Variants in CDH13 observed in about 807,000 individuals in gnomAD.
The protein encoded by CDH13 is cadherin-13.
CDH13 carries 24 observed loss-of-function variants against 63.8 expected under a neutral mutation model. That is an observed-to-expected ratio of 0.38 (90% CI 0.27 to 0.53). The LOEUF is 0.53. CDH13 is among the 20% of genes least tolerant of loss of function. The probability of loss-of-function intolerance (pLI) is 0.85; values close to 1 mark genes in which losing one functional copy is unlikely to be tolerated. For missense variants in CDH13, 1,049 were observed against 903.1 expected, an observed-to-expected ratio of 1.16 and a Z score of -2.07; for synonymous variants, 503 against 355.3, an observed-to-expected ratio of 1.42 and a Z score of -4.67.
At chr16:83,089,827 A>T (rs12926360) in intron 3 of CDH13, among the ~76,000 whole-genome samples, 1 of 152,030 alleles carries the variant, frequency 6.6e-6, no homozygotes, top group East Asian at 1.9e-4. Flanking sequence ...TTTCACGTGC[A>T]TACAGATTAC....
At chr16:83,394,551 C>T (rs1012607990) in intron 6 of CDH13, among the ~76,000 whole-genome samples, 1 of 152,160 alleles carries the variant, frequency 6.6e-6, no homozygotes, top group South Asian at 2.1e-4. Context: ...TCACATCCAA[C>T]TGTGCAGGCG....
intron 2 of CDH13, among the ~76,000 whole-genome samples, chr16:82,914,977 G>A (rs576108930): frequency 6.6e-6 from 1 of 152,196 alleles, no homozygotes; most frequent in Non-Finnish European, 1.5e-5. Flanking sequence ...ACACTTAACA[G>A]GGACAGTGAA....
intron 10 of CDH13, among the ~76,000 whole-genome samples, chr16:83,707,612 C>T (rs1907280431): frequency 6.6e-6 from 1 of 152,046 alleles, no homozygotes; most frequent in Non-Finnish European, 1.5e-5. Flanking sequence ...TACTACTCTT[C>T]CCTATTCTGG....
intron 9 of CDH13, among the ~76,000 whole-genome samples, chr16:83,674,047 C>CAG (rs1384006287): frequency 6.6e-6 from 1 of 152,218 alleles, no homozygotes; most frequent in Non-Finnish European, 1.5e-5. Flanking sequence ...ACATGTGAGG[C>CAG]AGAGCCCCAG....
intron 7 of CDH13, among the ~76,000 whole-genome samples, chr16:83,526,561 G>A (rs2074965238): frequency 6.6e-6 from 1 of 152,210 alleles, no homozygotes; most frequent in African/African-American, 2.4e-5. Flanking sequence ...AGCTCAGATG[G>A]TAATGCTCGC....
chr16:83,483,343 C>T (rs2073815772), intron 6 of CDH13, among the ~76,000 whole-genome samples: 1 of 152,112 alleles, frequency 6.6e-6, no homozygotes, highest in Non-Finnish European at 1.5e-5. Flanking sequence ...AAACCATTTT[C>T]TGTGTATGCT....
chr16:82,843,410 C>A (rs149082655), intron 1 of CDH13, among the ~76,000 whole-genome samples: 34 of 152,178 alleles, frequency 2.2e-4, no homozygotes, highest in African/African-American at 7.9e-4. Context: ...AACTGTCTAC[C>A]AGGCAGTTAG....
intron 1 of CDH13, among the ~76,000 whole-genome samples, chr16:82,793,171 A>T (rs532401136): frequency 6.6e-6 from 1 of 152,234 alleles, no homozygotes; most frequent in South Asian, 2.1e-4. Context: ...GCATCAGTGC[A>T]TCACCCAGTG....
chr16:83,311,845 C>T (rs1041266147), intron 5 of CDH13, among the ~76,000 whole-genome samples: 2 of 152,038 alleles, frequency 1.3e-5, no homozygotes, highest in African/African-American at 2.4e-5. Flanking sequence ...GAGGCCAAGG[C>T]GGGTGGATCA....
intron 5 of CDH13, among the ~76,000 whole-genome samples, chr16:83,258,901 A>G (rs1030294024): frequency 6.6e-5 from 10 of 152,240 alleles, no homozygotes. Context: ...TTCATTCCAC[A>G]TCACTGCCTC....
intron 1 of CDH13, among the ~76,000 whole-genome samples, chr16:82,848,344 G>T (rs2039348998): frequency 6.6e-6 from 1 of 152,162 alleles, no homozygotes; most frequent in Admixed American, 6.5e-5. Context: ...TCTTGACTTT[G>T]CTTTAGTTGG....
At chr16:83,279,669 C>T (rs2089102214) in intron 5 of CDH13, among the ~76,000 whole-genome samples, 1 of 152,180 alleles carries the variant, frequency 6.6e-6, no homozygotes, top group South Asian at 2.1e-4. Flanking sequence ...ACATCATTAG[C>T]TTCCTCTCTC....
At chr16:82,781,311 C>T (rs1477576090) in intron 1 of CDH13, among the ~76,000 whole-genome samples, 1 of 152,136 alleles carries the variant, frequency 6.6e-6, no homozygotes, top group Non-Finnish European at 1.5e-5. Flanking sequence ...AAATGCAGAC[C>T]ACAAGGGTCC....
chr16:83,294,679 G>A lies in CDH13; in HGVS notation c.637-50183G>A, dbSNP rs931909967. ...TTTAGGAACAAATTGAACAAGGGAA[G>A]TGAATGATCTTTACACTGAAAACTA... On this transcript the variant is annotated intron_variant, in intron 5 of 13. Coordinates refer to ENST00000567109, the MANE Select transcript of CDH13 (RefSeq NM_001257.5). 3.6e-4 allele frequency among the ~76,000 whole-genome samples: 54 copies of A among 151,954 alleles called. 1 individual carries two copies. Among genetic ancestry groups the A allele is most frequent in the Admixed American group, 3.5e-3 (53 of 15,216 alleles).
At chr16:83,024,905 A>C (rs1344279510) in intron 2 of CDH13, among the ~76,000 whole-genome samples, 1 of 152,230 alleles carries the variant, frequency 6.6e-6, no homozygotes, top group Non-Finnish European at 1.5e-5. Context: ...GGGATTCAAC[A>C]ATGGGCAAGC....
At chr16:83,188,789 A>C (rs909243706) in intron 4 of CDH13, among the ~76,000 whole-genome samples, 3 of 152,134 alleles carry the variant, frequency 2.0e-5, no homozygotes, top group African/African-American at 7.2e-5. Flanking sequence ...CCAACCATAA[A>C]ATTTTATAAG....
At chr16:83,694,742 T>A (rs1014238829) in intron 10 of CDH13, among the ~76,000 whole-genome samples, 1 of 152,152 alleles carries the variant, frequency 6.6e-6, no homozygotes. Context: ...AGGGTGTGGC[T>A]CTGGGCAGAC....
intron 2 of CDH13, among the ~76,000 whole-genome samples, chr16:82,860,869 T>C (rs764883894): frequency 3.3e-5 from 5 of 152,192 alleles, no homozygotes; most frequent in African/African-American, 9.7e-5. Context: ...AGCGGTTCAA[T>C]TGAATAAACT....
intron 2 of CDH13, among the ~76,000 whole-genome samples, chr16:83,016,191 T>G (rs902568003): frequency 1.3e-5 from 2 of 152,190 alleles, no homozygotes; most frequent in Admixed American, 6.5e-5. Flanking sequence ...ATTATTTTCT[T>G]GCTTACACCA....
Sources: allele counts gnomAD v4.1 joint callset (sites outside exome capture counted in the v4.1 genomes callset), GRCh38; gene constraint gnomAD v4.1.1; transcripts MANE v1.5; gene names NCBI Gene and HGNC (gene_info 2026-07-23, HGNC 2026-07-21).